The following TMEM232 variants were observed in gnomAD, a reference collection of about 807,000 sequenced individuals.
TMEM232 encodes the protein transmembrane protein 232.
TMEM232 carries 80 observed loss-of-function variants against 78.8 expected under a neutral mutation model. That is an observed-to-expected ratio of 1.01 (90% CI 0.85 to 1.22). The LOEUF is 1.22. Among genes scored for constraint, TMEM232 ranks in the 50% most tolerant of loss-of-function variants. The probability of loss-of-function intolerance (pLI) is 0.00; values close to 1 mark genes in which losing one functional copy is unlikely to be tolerated. For synonymous variants in TMEM232, 297 were observed against 254.3 expected (o/e 1.17, Z -1.60); for missense variants, 881 against 742.2 (o/e 1.19, Z -2.17).
At chr5:110,425,822 T>C (rs1757172956) in intron 12 of TMEM232, among the ~76,000 whole-genome samples, 1 of 152,086 alleles carries the variant, frequency 6.6e-6, no homozygotes, top group African/African-American at 2.4e-5. Flanking sequence ...CTTGTCTCTA[T>C]ACAGTAGCCA....
intron 11 of TMEM232, among the ~76,000 whole-genome samples, chr5:110,554,037 C>T (rs1391543474): frequency 6.6e-6 from 1 of 152,060 alleles, no homozygotes; most frequent in Non-Finnish European, 1.5e-5. Context: ...TATGTTGAAT[C>T]GATCTTCCAT....
intron 1 of TMEM232, among the ~76,000 whole-genome samples, chr5:110,695,961 G>A (rs1386327366): frequency 2.0e-5 from 3 of 152,134 alleles, no homozygotes; most frequent in Non-Finnish European, 4.4e-5. Flanking sequence ...TATGAGGCCA[G>A]CATCATCCTG....
intron 4 of TMEM232, among the ~76,000 whole-genome samples, chr5:110,388,449 C>T (rs1349014496): frequency 2.0e-5 from 3 of 152,066 alleles, no homozygotes; most frequent in Non-Finnish European, 2.9e-5. Context: ...GTCTGAGGCT[C>T]GATTTTACAG....
chr5:110,704,272 C>T (rs954442165), intron 1 of TMEM232, among the ~76,000 whole-genome samples: 1 of 152,004 alleles, frequency 6.6e-6, no homozygotes, highest in African/African-American at 2.4e-5. Flanking sequence ...CATACCTGTG[C>T]AGCTATAATC....
chr5:110,563,092 C>T (rs1452024730), intron 11 of TMEM232, among the ~76,000 whole-genome samples: 1 of 151,872 alleles, frequency 6.6e-6, no homozygotes, highest in Non-Finnish European at 1.5e-5. Context: ...TTGAGAAAAG[C>T]TAACTTTCCG....
intron 12 of TMEM232, among the ~76,000 whole-genome samples, chr5:110,439,397 GCTCA>G (rs1758785488): frequency 6.6e-6 from 1 of 152,034 alleles, no homozygotes; most frequent in Non-Finnish European, 1.5e-5. Context: ...GATGCAGTCT[GCTCA>G]CTGAGAGTTA....
intron 2 of TMEM232, among the ~76,000 whole-genome samples, chr5:110,655,170 T>A (rs923489063): frequency 5.3e-5 from 8 of 152,004 alleles, no homozygotes; most frequent in Admixed American, 2.0e-4. Flanking sequence ...CAAAGGGCTA[T>A]TATCCAGAAT....
chr5:110,594,139 G>A (rs1253823002), intron 10 of TMEM232, among the ~76,000 whole-genome samples: 5 of 151,774 alleles, frequency 3.3e-5, no homozygotes, highest in African/African-American at 9.7e-5. Context: ...TAGACAGTGG[G>A]TGCAGCCCAC....
chr5:110,627,977 T>C (rs1253330814), intron 5 of TMEM232, 97 bp from the exon 6 acceptor site: 9 of 862,370 alleles, frequency 1.0e-5, no homozygotes, highest in Non-Finnish European at 1.6e-5. Flanking sequence ...ACATTTTCTT[T>C]TGAGAAAACA....
upstream of TMEM232, among the ~76,000 whole-genome samples, chr5:110,729,224 A>T (rs989334138): frequency 3.2e-4 from 49 of 152,190 alleles, no homozygotes; most frequent in Non-Finnish European, 1.5e-5. Flanking sequence ...ACTGCTATGT[A>T]ATCAATTAAA....
intron 1 of TMEM232, among the ~76,000 whole-genome samples, chr5:110,717,271 A>T (rs1278036843): frequency 6.6e-6 from 1 of 152,026 alleles, no homozygotes; most frequent in African/African-American, 2.4e-5. Context: ...AAAAGTATAA[A>T]GTTTTCTTTA....
chr5:110,638,710 G>A (rs1786246425), intron 4 of TMEM232, among the ~76,000 whole-genome samples: 1 of 152,070 alleles, frequency 6.6e-6, no homozygotes, highest in Non-Finnish European at 1.5e-5. Context: ...CAACTCCATG[G>A]CATGAAGCAA....
At chr5:110,696,268 A>T (rs112798905) in intron 1 of TMEM232, among the ~76,000 whole-genome samples, 5,961 of 152,300 alleles carry the variant, frequency 0.039, 381 homozygotes, top group African/African-American at 0.14. Flanking sequence ...CATGCTAAAA[A>T]CTATCAATAA....
At chr5:110,629,750 G>A (rs963354197) in intron 5 of TMEM232, among the ~76,000 whole-genome samples, 7 of 151,884 alleles carry the variant, frequency 4.6e-5, no homozygotes, top group African/African-American at 1.7e-4. Context: ...TTTGGTTCTT[G>A]CATAGAATCT....
At chr5:110,646,925 T>A (rs187286917) in intron 2 of TMEM232, among the ~76,000 whole-genome samples, 145 of 151,936 alleles carry the variant, frequency 9.5e-4, no homozygotes, top group African/African-American at 3.4e-3. Context: ...CCAACAGGCA[T>A]GTGAAAAGGT....
chr5:110,430,188 A>G (rs888711413), intron 12 of TMEM232: 2 of 151,704 alleles, frequency 1.3e-5, no homozygotes, highest in Non-Finnish European at 3.0e-5. Context: ...TCAAAATATC[A>G]TAAGTTCATG....
At chr5:110,478,897 A>ATTTTTTTTTTTTTTTTTTTTTTTT (rs746104997) in intron 12 of TMEM232, among the ~76,000 whole-genome samples, 1 of 111,814 alleles carries the variant, frequency 8.9e-6, no homozygotes, top group Non-Finnish European at 1.9e-5. Flanking sequence ...GGAGAAATTG[A>ATTTTTTTTTTTTTTTTTTTTTTTT]TTTTTTTTTT....
chr5:110,674,275 G>T (rs1004714557), intron 1 of TMEM232, among the ~76,000 whole-genome samples: 2 of 152,096 alleles, frequency 1.3e-5, no homozygotes, highest in Non-Finnish European at 2.9e-5. Flanking sequence ...ATGTGCAAAG[G>T]AGTTAATTTG....
chr5:110,617,957 C>T (rs77203071), intron 8 of TMEM232: 5 of 162,344 alleles, frequency 3.1e-5, no homozygotes, highest in South Asian at 1.7e-4. Context: ...AAGCGGAGAT[C>T]ACGGCACTGC....
Sources: gnomAD v4.1 joint callset for allele counts (sites outside exome capture counted in the v4.1 genomes callset) on GRCh38, gnomAD v4.1.1 for gene constraint, MANE v1.5 for transcripts, NCBI Gene and HGNC (gene_info 2026-07-23, HGNC 2026-07-21) for gene names.